Variants in PEX1 observed in about 807,000 individuals in gnomAD.
PEX1 encodes the protein peroxisomal biogenesis factor 1.
In PEX1, 97 loss-of-function variants were observed where a neutral mutation model predicts 152.5. The observed-to-expected ratio is 0.64, with a 90% CI of 0.54 to 0.75. The LOEUF (loss-of-function observed/expected upper bound fraction) is 0.75, where lower values mean the gene tolerates loss of function less well. Among genes scored for constraint, PEX1 ranks in the 30% least tolerant of loss-of-function variants. PEX1 has a pLI of 0.00. For missense variants in PEX1, 1,357 were observed against 1,516.3 expected (o/e 0.89, Z 1.74); for synonymous variants, 485 against 531.6 (o/e 0.91, Z 1.21).
intron 20 of PEX1, among the ~76,000 whole-genome samples, chr7:92,492,666 A>G (rs1398473313): frequency 1.3e-5 from 2 of 152,256 alleles, no homozygotes; most frequent in Non-Finnish European, 1.5e-5. Context: ...TTTTGTTTGT[A>G]GTATTTAATT....
Position 92,506,981 on chromosome 7 carries a change from C to T in PEX1, c.1803+13G>A, listed in dbSNP as rs775788698. On this transcript the variant is annotated intron_variant, in intron 10 of 23. Coordinates refer to ENST00000248633, the MANE Select transcript of PEX1 (RefSeq NM_000466.3). ...AAATGTTACAGAAAAATGAACACAC[C>T]TTAACCACTTACCTTTCCTCCTGTG... The T allele has an allele frequency of 5.0e-6, 8 of 1,613,334 alleles. No homozygotes were observed.
intron 20 of PEX1, 30 bp downstream of exon 20, chr7:92,492,923 A>G (rs1791421935): frequency 3.8e-6 from 6 of 1,568,620 alleles, no homozygotes; most frequent in Non-Finnish European, 5.3e-6. Flanking sequence ...CACTCATAAA[A>G]TGTCATAACA....
Position 92,504,828 on chromosome 7 carries a change from C to T in PEX1, c.1975G>A (p.Val659Ile), listed in dbSNP as rs193221288. The T allele has an allele frequency of 3.0e-5, 48 of 1,613,890 alleles. No homozygotes were observed. Among genetic ancestry groups the T allele is most frequent in the Admixed American group, 1.8e-4 (11 of 60,006 alleles). ...SEAVWMQPSV[V>I]LLDDLDLIAG... is the part of the protein sequence containing the mutation. ...ATGAGGTCAAGGTCATCCAGCAGGACAACAGATGGCTGCATCCACACTGCC... is the reference window on the plus strand; with the variant it reads ...ATGAGGTCAAGGTCATCCAGCAGGATAACAGATGGCTGCATCCACACTGCC... Residue 659 changes from valine to isoleucine, a missense_variant, in exon 12 of 24, where the codon GTC (valine) becomes ATC (isoleucine). Transcript: ENST00000248633.
Position 92,503,132 on chromosome 7 carries a change from C to A in PEX1, c.2135G>T (p.Ser712Ile), listed in dbSNP as rs1281772090. The A allele has an allele frequency of 1.2e-6, 2 of 1,613,290 alleles. No individual in the cohort carries two copies. Among genetic ancestry groups the A allele is most frequent in the Non-Finnish European group, 1.7e-6 (2 of 1,179,450 alleles). ...AGGATGTAGAGATTGCTGAGACTGA[C>A]TTGTGGCAATCAGTGCAACCAAACT... ...MGSLVALIATSQSQQSLHPLL... is the reference protein window; with the variant it reads ...MGSLVALIATIQSQQSLHPLL... Residue 712 changes from serine to isoleucine, a missense_variant, in exon 13 of 24, where the codon AGT becomes ATT. By Grantham distance (142) the Ser-to-Ile change is moderately radical. Transcript: ENST00000248633.
chr7:92,519,045 A>T lies in PEX1; in HGVS notation c.307T>A (p.Cys103Ser). ...FLKPCSHVVS[C>S]QQVEVEPLSA... is the part of the protein sequence containing the mutation. ...AGGGGTTCCACCTCAACTTGTTGACAAGATACCACATGGGAACATGGCTTG... is the reference window on the plus strand; with the variant it reads ...AGGGGTTCCACCTCAACTTGTTGACTAGATACCACATGGGAACATGGCTTG... Residue 103 changes from cysteine to serine, a missense_variant, in exon 3 of 24, where the codon TGT becomes AGT. Physicochemically the swap from Cys to Ser is moderately radical, Grantham distance 112 (BLOSUM62 -1). Coordinates refer to ENST00000248633, the MANE Select transcript of PEX1 (RefSeq NM_000466.3). 15 of 1,610,854 alleles carry T rather than the reference A, an allele frequency of 9.3e-6. No individual in the cohort carries two copies. The highest frequency in any genetic ancestry group is 1.3e-5 in the Non-Finnish European group (15 of 1,177,100).
In PEX1 at chr7:92,510,904, C is replaced by T. The variant is rs373680267; in HGVS notation, c.1587+40G>A. 176 of 1,051,416 alleles carry T rather than the reference C, an allele frequency of 1.7e-4. 3 individuals are homozygous for T. The African/African-American group carries it at 2.5e-3, about 15-fold the overall frequency. 65.1% of individuals were successfully genotyped at this position (1,051,416 alleles called of 1,614,324 possible). A position where few individuals can be genotyped will look rare whatever the true frequency, so the allele number is the denominator to read the frequency against. ...ATACTTTATTATCAATCATATGTAA[C>T]AAATAGTATTTTATTAAATATTCAA... On this transcript the variant is annotated intron_variant, in intron 8 of 23. Coordinates refer to ENST00000248633, the MANE Select transcript of PEX1 (RefSeq NM_000466.3).
Position 92,487,240 on chromosome 7 carries a change from TA to T in PEX1, c.*216del. The T allele has an allele frequency of 3.1e-6, 1 of 319,800 alleles. No homozygotes were observed. Among genetic ancestry groups the T allele is most frequent in the Non-Finnish European group, 5.6e-6 (1 of 177,236 alleles). The allele number at this position is 319,800 out of a possible 1,614,324, so 19.8% of individuals were successfully genotyped here. On this transcript the variant is annotated 3_prime_UTR_variant, in exon 24 of 24. Coordinates refer to ENST00000248633, the MANE Select transcript of PEX1 (RefSeq NM_000466.3). ...AAGACTGAATTTAGATTTTAGGAAATAAAATATGGAATCTGTTATAATGTCC... is the reference window on the plus strand; with the variant it reads ...AAGACTGAATTTAGATTTTAGGAAATAAATATGGAATCTGTTATAATGTCC...
intron 2 of PEX1, among the ~76,000 whole-genome samples, chr7:92,519,560 G>GT (rs1282290110): frequency 1.3e-5 from 2 of 152,150 alleles, no homozygotes; most frequent in Non-Finnish European, 2.9e-5. Context: ...ATGTAAAAAT[G>GT]TAAGTAAAAA....
chr7:92,505,349 G>C (rs1446402286), intron 11 of PEX1, among the ~76,000 whole-genome samples: 3 of 149,926 alleles, frequency 2.0e-5, no homozygotes, highest in African/African-American at 7.4e-5. Flanking sequence ...GGAGGTGGAG[G>C]CTATAGTGAG....
chr7:92,518,998 TA>T lies in PEX1; in HGVS notation c.353del (p.Ile118AsnfsTer14). 1 of 1,603,526 alleles carries T rather than the reference TA, an allele frequency of 6.2e-7. No homozygotes were observed. The highest frequency in any genetic ancestry group is 8.5e-7 in the Non-Finnish European group (1 of 1,170,416). On this transcript the variant is annotated frameshift_variant, in exon 3 of 24. Transcript: ENST00000248633. LOFTEE classifies it high-confidence loss of function. The stretch of plus-strand genomic sequence containing the variant: ...GTTCTTATTTGGTTTTCTTTACCAG[TA>T]TCTCCCAATCATCTGCTGAGAGGGG... ...VEPLSADDWE[I>X]LELHAVSLEQ... is the part of the protein sequence containing the mutation.
At position 92,489,717 on chromosome 7, in the gene PEX1, A is replaced by G. The variant is rs753334806; in HGVS notation, c.3633T>C (p.Ser1211=). 1.2e-5 allele frequency: 20 copies of G among 1,613,102 alleles called. No homozygotes were observed. Among genetic ancestry groups the G allele is most frequent in the Non-Finnish European group, 1.6e-5 (19 of 1,179,124 alleles). ...AATGAGGGGGAAAAAGCCATACTCC[A>G]CTTTGGCTCCGGTATCTGCCTTTGA... The part of the protein sequence containing the change: ...SIIKGRYRSQ[S]GEDESMNQPG... Residue 1211 remains serine, a synonymous_variant, in exon 22 of 24, where the codon AGT becomes AGC. Transcript: ENST00000248633.
chr7:92,499,692 T>G lies in PEX1; in HGVS notation c.2718+12A>C. On this transcript the variant is annotated intron_variant, in intron 16 of 23. Coordinates refer to ENST00000248633, the MANE Select transcript of PEX1 (RefSeq NM_000466.3). ...TACCTAAATAAAAAAAGAAGATAAGTAGACAACATACCTTGACACTTATAA... is the reference window on the plus strand; with the variant it reads ...TACCTAAATAAAAAAAGAAGATAAGGAGACAACATACCTTGACACTTATAA... The G allele has an allele frequency of 6.2e-7, 1 of 1,604,662 alleles. No individual in the cohort carries two copies. Among genetic ancestry groups the G allele is most frequent in the Non-Finnish European group, 8.5e-7 (1 of 1,171,718 alleles).
intron 16 of PEX1, among the ~76,000 whole-genome samples, chr7:92,497,453 C>CAAA (rs200588226): frequency 3.4e-5 from 4 of 118,842 alleles, no homozygotes; most frequent in African/African-American, 1.2e-4. Flanking sequence ...GGGAAAAGGC[C>CAAA]AAAAAAAAAA....
chr7:92,525,369 T>C (rs1793219040), intron 1 of PEX1, among the ~76,000 whole-genome samples: 1 of 152,254 alleles, frequency 6.6e-6, no homozygotes, highest in Non-Finnish European at 1.5e-5. Context: ...TATCTCTTGC[T>C]AACACAAGGG....
intron 21 of PEX1, among the ~76,000 whole-genome samples, chr7:92,490,991 C>G (rs1327594184): frequency 6.6e-6 from 1 of 152,162 alleles, no homozygotes; most frequent in Non-Finnish European, 1.5e-5. Flanking sequence ...GGAACTGCTC[C>G]TAAAGATGTT....
intron 1 of PEX1, among the ~76,000 whole-genome samples, chr7:92,523,370 G>A: frequency 6.6e-6 from 1 of 150,948 alleles, no homozygotes. Context: ...TGCCCAGGCT[G>A]GAGTGCACTG....
chr7:92,521,465 C>T (rs954302719), intron 2 of PEX1, among the ~76,000 whole-genome samples: 8 of 151,898 alleles, frequency 5.3e-5, no homozygotes, highest in Non-Finnish European at 1.0e-4. Flanking sequence ...GACATTGTTT[C>T]GCTCTTGTCA....
chr7:92,507,178 T>C, intron 9 of PEX1, 52 bp from the exon 10 acceptor site: 1 of 1,549,718 alleles, frequency 6.5e-7, no homozygotes, highest in East Asian at 2.4e-5. Context: ...AGGATAAAAT[T>C]TAGCTATAAA....
chr7:92,488,503 G>T (rs1791062337), intron 23 of PEX1, among the ~76,000 whole-genome samples: 1 of 152,094 alleles, frequency 6.6e-6, no homozygotes, highest in Non-Finnish European at 1.5e-5. Context: ...CAGATGCATA[G>T]GTGGCCATAA....
Sources: gnomAD v4.1 joint callset for allele counts (sites outside exome capture counted in the v4.1 genomes callset) on GRCh38, gnomAD v4.1.1 for gene constraint, MANE v1.5 for transcripts, NCBI Gene and HGNC (gene_info 2026-07-23, HGNC 2026-07-21) for gene names.